The following PHF8 variants were observed in gnomAD, a reference collection of about 807,000 sequenced individuals.
PHF8 encodes histone lysine demethylase PHF8.
PHF8 carries 9 observed loss-of-function variants against 74.4 expected under a neutral mutation model. The observed-to-expected ratio is 0.12, with a 90% CI of 0.07 to 0.21. PHF8 has a LOEUF of 0.21. Ranked by LOEUF, PHF8 falls within the 10% of genes least tolerant of loss-of-function variation. The probability of loss-of-function intolerance (pLI) is 1.00; values close to 1 mark genes in which losing one functional copy is unlikely to be tolerated. For missense variants in PHF8, 478 were observed against 816.6 expected (o/e 0.59, Z 5.05); for synonymous variants, 311 against 316.6 (o/e 0.98, Z 0.19).
intron 6 of PHF8, among the ~76,000 whole-genome samples, chrX:54,015,276 T>C (rs1249027559): frequency 4.5e-5 from 5 of 111,459 alleles, no homozygotes; most frequent in Admixed American, 1.9e-4. Context: ...TGTTTAACCT[T>C]GCATCTTAAA....
intron 19 of PHF8, chrX:53,944,585 G>C: frequency 4.7e-6 from 1 of 214,311 alleles, no homozygotes; most frequent in South Asian, 8.0e-5. Flanking sequence ...AGGTGTGGTG[G>C]CATGTGCCTG....
rs782043172 is a variant in PHF8 at position 54,043,911 on chromosome X, G to A, written c.-242C>T. On this transcript the variant is annotated 5_prime_UTR_variant, in exon 1 of 22. Transcript: ENST00000338154. ...CGGAGCTCAGCCCCAGCGACACGCCGGCAGCCGGGCTAGCTCCGGGACTGC... is the reference window on the plus strand; with the variant it reads ...CGGAGCTCAGCCCCAGCGACACGCCAGCAGCCGGGCTAGCTCCGGGACTGC... 1.3e-6 allele frequency: 1 copy of A among 753,630 alleles called. No homozygotes were observed. The highest frequency in any genetic ancestry group is 8.6e-5 in the Admixed American group (1 of 11,630). 62.1% of individuals were successfully genotyped at this position (753,630 alleles called of 1,213,427 possible).
chrX:53,958,606 C>T (rs781958498), intron 19 of PHF8, among the ~76,000 whole-genome samples: 10 of 104,076 alleles, frequency 9.6e-5, no homozygotes, highest in Admixed American at 2.1e-4. Context: ...ACGGTGAAAC[C>T]CCATCTCTAC....
chrX:53,957,504 G>A lies in PHF8; in HGVS notation c.2539+5340C>T, dbSNP rs181284394. On this transcript the variant is annotated intron_variant, in intron 19 of 21. Coordinates refer to ENST00000338154, the MANE Select transcript of PHF8 (RefSeq NM_015107.3). ...CCATTGCACTCCAGCCTGGGCGACAGACCGAGACTGTTTCAAAATAAATAA... is the reference window on the plus strand; with the variant it reads ...CCATTGCACTCCAGCCTGGGCGACAAACCGAGACTGTTTCAAAATAAATAA... Among the ~76,000 whole-genome samples the A allele has an allele frequency of 2.6e-3, 286 of 110,608 alleles. 1 individual carries two copies. The highest frequency in any genetic ancestry group is 7.4e-3 in the African/African-American group (224 of 30,422).
At chrX:53,944,076 T>C (rs2064794586) in intron 20 of PHF8, 58 bp downstream of exon 20, 3 of 706,536 alleles carry the variant, frequency 4.2e-6, no homozygotes, top group Non-Finnish European at 6.8e-6. Context: ...GTCTAAGTGT[T>C]GAGGCTCTAA....
intron 18 of PHF8, among the ~76,000 whole-genome samples, chrX:53,964,500 GA>G (rs1373990187): frequency 9.0e-6 from 1 of 111,217 alleles, no homozygotes. Context: ...ATTATGCTAA[GA>G]AAAAAAGGCC....
At chrX:54,044,755 C>T, upstream of PHF8, 1 of 564,245 alleles carries the variant, frequency 1.8e-6, no homozygotes, top group Admixed American at 4.0e-5. Context: ...CCGACTCGCA[C>T]ACTCCTCCTC....
At chrX:53,961,918 C>T (rs956810622) in intron 19 of PHF8, among the ~76,000 whole-genome samples, 15 of 111,839 alleles carry the variant, frequency 1.3e-4, no homozygotes, top group Non-Finnish European at 1.9e-5. Context: ...AATCTATTTC[C>T]CAACCATGGG....
Position 53,982,474 on chromosome X carries a change from T to G in PHF8, c.2443+2440A>C, listed in dbSNP as rs1312787184. Among the ~76,000 whole-genome samples, 3 of 112,931 alleles carry G rather than the reference T, an allele frequency of 2.7e-5. No individual in the cohort carries two copies. The East Asian group carries it at 8.3e-4, about 31-fold the overall frequency. On this transcript the variant is annotated intron_variant, in intron 18 of 21. Transcript: ENST00000338154. ...TAATATCTAATACACAGTACTTACT[T>G]ATCATGTGCTGGGCAATGTTTTAAG...
At chrX:54,006,777 A>T (rs2065903107) in intron 8 of PHF8, among the ~76,000 whole-genome samples, 1 of 109,585 alleles carries the variant, frequency 9.1e-6, no homozygotes, top group Admixed American at 9.8e-5. Context: ...CTCTACTGCA[A>T]ATACGAAAAA....
intron 2 of PHF8, among the ~76,000 whole-genome samples, chrX:54,023,841 C>CAAAA (rs782579990): frequency 1.5e-4 from 6 of 39,137 alleles, no homozygotes; most frequent in Non-Finnish European, 2.0e-4. Context: ...ACCCTGTCTC[C>CAAAA]AAAAAAAAAA....
intron 19 of PHF8, among the ~76,000 whole-genome samples, chrX:53,948,613 T>C (rs782656026): frequency 1.6e-4 from 18 of 111,802 alleles, no homozygotes; most frequent in Admixed American, 1.5e-3. Flanking sequence ...AAACTATAGA[T>C]AGCCAGATAG....
At chrX:53,948,798 T>C (rs1557085997) in intron 19 of PHF8, among the ~76,000 whole-genome samples, 1 of 108,924 alleles carries the variant, frequency 9.2e-6, no homozygotes. Flanking sequence ...CCGAGGTGGG[T>C]GGATCACCTG....
At chrX:53,993,413 C>T (rs961092771) in intron 13 of PHF8, among the ~76,000 whole-genome samples, 188 bp downstream of exon 13, 2 of 112,174 alleles carry the variant, frequency 1.8e-5, no homozygotes, top group Non-Finnish European at 3.8e-5. Context: ...GTCACATCCA[C>T]AGCACCTATC....
intron 18 of PHF8, among the ~76,000 whole-genome samples, chrX:53,964,550 T>C (rs1883508860): frequency 9.0e-6 from 1 of 110,954 alleles, no homozygotes; most frequent in Admixed American, 9.6e-5. Flanking sequence ...ACAAAGTACC[T>C]AAAGGTGTCA....
At chrX:54,019,720 G>A (rs1408238060) in intron 4 of PHF8, among the ~76,000 whole-genome samples, 3 of 103,016 alleles carry the variant, frequency 2.9e-5, no homozygotes, top group East Asian at 6.1e-4. Flanking sequence ...CCCAGGAGGC[G>A]GAGGGTGCAG....
chrX:54,002,149 C>A lies in PHF8; in HGVS notation c.1141+6G>T. The stretch of plus-strand genomic sequence containing the variant: ...CAAAAAGGACAGTTGGCAAAGGGCT[C>A]CATACCGCGAAAGATGTCCAGGATG... On this transcript the variant is annotated splice_donor_region_variant and intron_variant, in intron 10 of 21. Coordinates refer to ENST00000338154, the MANE Select transcript of PHF8 (RefSeq NM_015107.3). 8.9e-7 allele frequency: 1 copy of A among 1,118,035 alleles called. No homozygotes were observed. Among genetic ancestry groups the A allele is most frequent in the Non-Finnish European group, 1.2e-6 (1 of 810,637 alleles). The allele number at this position is 1,118,035 out of a possible 1,213,427, so 92.1% of individuals were successfully genotyped here.
At chrX:54,003,760 C>T (rs1369233760) in intron 8 of PHF8, among the ~76,000 whole-genome samples, 1 of 112,106 alleles carries the variant, frequency 8.9e-6, no homozygotes, top group Non-Finnish European at 1.9e-5. Context: ...TAAGTTCAGT[C>T]GGCCTACCTT....
intron 2 of PHF8, among the ~76,000 whole-genome samples, chrX:54,041,388 T>TAAAAAAAAAAAAAAAA (rs370388675): frequency 2.3e-5 from 1 of 43,513 alleles, no homozygotes; most frequent in Non-Finnish European, 4.7e-5. Flanking sequence ...TTGTCTCAAA[T>TAAAAAAAAAAAAAAAA]AAAAAAAAAA....
Sources: allele counts gnomAD v4.1 joint callset (sites outside exome capture counted in the v4.1 genomes callset), GRCh38; gene constraint gnomAD v4.1.1; transcripts MANE v1.5; gene names NCBI Gene and HGNC (gene_info 2026-07-23, HGNC 2026-07-21).